The following ZFHX3 variants were observed in gnomAD, a reference collection of about 807,000 sequenced individuals.
ZFHX3 encodes the protein zinc finger homeobox 3.
Under a neutral mutation model 279.1 loss-of-function variants are expected in ZFHX3, and 42 were observed. The observed-to-expected ratio is 0.15, with a 90% CI of 0.12 to 0.19. The LOEUF (loss-of-function observed/expected upper bound fraction) is 0.19, where lower values mean the gene tolerates loss of function less well. ZFHX3 is among the 10% of genes least tolerant of loss of function. The probability of loss-of-function intolerance (pLI) is 1.00; values close to 1 mark genes in which losing one functional copy is unlikely to be tolerated. For missense variants in ZFHX3, 4,981 were observed against 4,754.0 expected, an observed-to-expected ratio of 1.05 and a Z score of -1.40; for synonymous variants, 2,293 against 1,957.8, an observed-to-expected ratio of 1.17 and a Z score of -4.52.
intron 7 of ZFHX3, chr16:73,127,196 A>G (rs1966583667): frequency 5.9e-6 from 3 of 512,200 alleles, no homozygotes; most frequent in Non-Finnish European, 9.3e-6. Context: ...TGATCGATGC[A>G]AACCAGAGCA....
Position 73,362,795 on chromosome 16 carries a change from G to C in ZFHX3, c.-1290-44459C>G, listed in dbSNP as rs185719063. 1.5e-3 allele frequency among the ~76,000 whole-genome samples: 229 copies of C among 152,326 alleles called. 1 individual carries two copies. The highest frequency in any genetic ancestry group is 4.9e-3 in the African/African-American group (204 of 41,578). ...CTAATGTGAAATTAGGGGGAGGGCA[G>C]ATAGGCTGTCTGAATTAGGAAGCTA... On this transcript the variant is annotated intron_variant, in intron 3 of 17. Coordinates refer to the ZFHX3 transcript ENST00000641206.
intron 2 of ZFHX3, among the ~76,000 whole-genome samples, chr16:73,555,205 A>AGATC (rs1375639406): frequency 6.6e-6 from 1 of 152,078 alleles, no homozygotes; most frequent in African/African-American, 2.4e-5. Flanking sequence ...ACCAGGCTGC[A>AGATC]GTGCAGTGGC....
Position 72,829,783 on chromosome 16 carries a change from G to A in ZFHX3, c.3525C>T (p.Gly1175=), listed in dbSNP as rs764104242. The A allele has an allele frequency of 1.4e-5, 22 of 1,614,004 alleles. No individual in the cohort carries two copies. Among genetic ancestry groups the A allele is most frequent in the Admixed American group, 3.3e-5 (2 of 60,004 alleles). The stretch of plus-strand genomic sequence containing the variant: ...ACTTGCCCTGGTCTTTCTCACCTCC[G>A]CCCTCTTGGTCCTTAGCAAGCTCCT... The part of the protein sequence containing the change: ...DPEELAKDQE[G]GASSSQAEKE... The change falls in exon 5 of 10, where the codon GGC becomes GGT. Residue 1175 remains glycine (G), a synonymous_variant. Coordinates refer to ENST00000268489, the MANE Select transcript of ZFHX3 (RefSeq NM_006885.4).
intron 3 of ZFHX3, among the ~76,000 whole-genome samples, chr16:72,901,671 G>C (rs1403155562): frequency 2.0e-5 from 3 of 152,196 alleles, no homozygotes; most frequent in Non-Finnish European, 1.5e-5. Flanking sequence ...GGTTGAAAGA[G>C]ACAGACTTGT....
At chr16:73,063,102 G>C (rs966377234), upstream of ZFHX3, among the ~76,000 whole-genome samples, 3 of 152,208 alleles carry the variant, frequency 2.0e-5, no homozygotes, top group Non-Finnish European at 4.4e-5. Context: ...GTCTCTGCAC[G>C]GGATCCAAGG....
At chr16:73,741,167 A>T (rs2053654391) in intron 1 of ZFHX3, among the ~76,000 whole-genome samples, 1 of 150,848 alleles carries the variant, frequency 6.6e-6, no homozygotes, top group Admixed American at 6.7e-5. Flanking sequence ...AGTAGGTGGG[A>T]TTACAGGCGC....
intron 1 of ZFHX3, among the ~76,000 whole-genome samples, chr16:73,682,230 A>C (rs1164658436): frequency 6.6e-6 from 1 of 152,248 alleles, no homozygotes; most frequent in Non-Finnish European, 1.5e-5. Flanking sequence ...AATTAATTCA[A>C]AATAAATGTA....
intron 2 of ZFHX3, among the ~76,000 whole-genome samples, chr16:73,618,047 G>GA (rs781499468): frequency 2.0e-5 from 3 of 152,282 alleles, no homozygotes; most frequent in Admixed American, 6.5e-5. Context: ...TCTCATAATG[G>GA]AAAATCCATG....
At chr16:73,487,407 G>GTT in intron 2 of ZFHX3, 1 of 401,388 alleles carries the variant, frequency 2.5e-6, no homozygotes, top group Non-Finnish European at 5.0e-6. Context: ...GTATCTATGT[G>GTT]ATTTTTTTTT....
intron 1 of ZFHX3, among the ~76,000 whole-genome samples, chr16:73,716,550 C>G (rs2053416063): frequency 6.6e-6 from 1 of 151,680 alleles, no homozygotes; most frequent in Non-Finnish European, 1.5e-5. Flanking sequence ...AAGGATGCAC[C>G]TAAGAGAACA....
At chr16:73,732,985 T>C (rs2053581582) in intron 1 of ZFHX3, among the ~76,000 whole-genome samples, 2 of 152,220 alleles carry the variant, frequency 1.3e-5, no homozygotes, top group South Asian at 4.1e-4. Context: ...TTTTGTCCTT[T>C]AGTGTATGGT....
At chr16:72,901,055 T>A (rs2039021182) in intron 3 of ZFHX3, among the ~76,000 whole-genome samples, 1 of 152,248 alleles carries the variant, frequency 6.6e-6, no homozygotes, top group Non-Finnish European at 1.5e-5. Context: ...TGCCTGCTAC[T>A]GGCCTGCTCC....
chr16:73,325,589 G>C (rs1271590039), intron 3 of ZFHX3, among the ~76,000 whole-genome samples: 1 of 152,134 alleles, frequency 6.6e-6, no homozygotes, highest in Non-Finnish European at 1.5e-5. Context: ...AAAGTGTCCA[G>C]AAGTAGAGGA....
intron 1 of ZFHX3, among the ~76,000 whole-genome samples, chr16:73,844,018 C>T (rs1276469288): frequency 1.3e-5 from 2 of 152,114 alleles, no homozygotes; most frequent in African/African-American, 2.4e-5. Context: ...AATTAGGCAG[C>T]GGGCTGTGGA....
chr16:73,333,805 C>CAAAAA (rs36006944), intron 3 of ZFHX3, among the ~76,000 whole-genome samples: 1 of 53,846 alleles, frequency 1.9e-5, no homozygotes, highest in Non-Finnish European at 3.4e-5. Context: ...CCCAAGAGAC[C>CAAAAA]AAAAAAAAAA....
In ZFHX3 at chr16:72,795,152, C is replaced by T. The variant is rs2035856735; in HGVS notation, c.7530G>A (p.Lys2510=). 1.2e-6 allele frequency: 2 copies of T among 1,610,832 alleles called. No individual in the cohort carries two copies. The highest frequency in any genetic ancestry group is 2.7e-5 in the African/African-American group (2 of 74,130). Reference sequence around the variant, plus strand: ...GTTGAGGAGTTGATGTGTGGAGGGGCTTGAGGGGCAGGTGGGAGAGCTGGG... The same window carrying T: ...GTTGAGGAGTTGATGTGTGGAGGGGTTTGAGGGGCAGGTGGGAGAGCTGGG... The part of the protein sequence containing the change: ...SPSQLSHLPL[K]PLHTSTPQQL... The change falls in exon 9 of 10, where the codon AAG becomes AAA. Residue 2510 remains lysine (K), a synonymous_variant. Transcript: ENST00000268489.
intron 4 of ZFHX3, among the ~76,000 whole-genome samples, chr16:72,843,493 C>A (rs371082145): frequency 7.9e-6 from 1 of 125,868 alleles, no homozygotes; most frequent in East Asian, 2.5e-4. Flanking sequence ...CCAGCCTGGG[C>A]GACAGAGCGA....
At chr16:73,192,379 T>C (rs1352481517) in intron 5 of ZFHX3, among the ~76,000 whole-genome samples, 1 of 152,140 alleles carries the variant, frequency 6.6e-6, no homozygotes, top group Non-Finnish European at 1.5e-5. Context: ...CTGGGATTTC[T>C]GGACAAAAAA....
intron 4 of ZFHX3, among the ~76,000 whole-genome samples, chr16:73,286,104 C>T (rs2014588985): frequency 6.6e-6 from 1 of 152,132 alleles, no homozygotes; most frequent in South Asian, 2.1e-4. Flanking sequence ...ATGCTTTAGA[C>T]GGGGCCAACC....
Sources: allele counts gnomAD v4.1 joint callset (sites outside exome capture counted in the v4.1 genomes callset), GRCh38; gene constraint gnomAD v4.1.1; transcripts MANE v1.5; gene names NCBI Gene and HGNC (gene_info 2026-07-23, HGNC 2026-07-21).